The following FHAD1 variants were observed in gnomAD, a reference collection of about 807,000 sequenced individuals.
The protein encoded by FHAD1 is forkhead associated phosphopeptide binding domain 1.
FHAD1 carries 146 observed loss-of-function variants against 191.3 expected under a neutral mutation model. The observed-to-expected ratio is 0.76, with a 90% CI of 0.67 to 0.88. The LOEUF is 0.88. Ranked by LOEUF, FHAD1 falls within the 40% of genes least tolerant of loss-of-function variation. FHAD1 has a pLI of 0.00. For synonymous variants in FHAD1, 616 were observed against 672.3 expected (o/e 0.92, Z 1.29); for missense variants, 1,635 against 1,785.8 (o/e 0.92, Z 1.52).
intron 10 of FHAD1, among the ~76,000 whole-genome samples, chr1:15,319,286 TA>T (rs1675525288): frequency 6.6e-6 from 1 of 152,188 alleles, no homozygotes; most frequent in Non-Finnish European, 1.5e-5. Flanking sequence ...GTCAAATCAT[TA>T]AAACCTCGTG....
chr1:15,349,053 C>T lies in FHAD1; in HGVS notation c.2358C>T (p.Ser786=). The part of the protein sequence containing the change: ...RLARQKEVLE[S]SIAHEKRKAK... ...TCGTTGATTTTCAGGTTTTGGAGAGCAGCATAGCCCATGAAAAAAGAAAAG... is the reference window on the plus strand; with the variant it reads ...TCGTTGATTTTCAGGTTTTGGAGAGTAGCATAGCCCATGAAAAAAGAAAAG... Residue 786 remains serine, a synonymous_variant, in exon 19 of 34, where the codon AGC becomes AGT. Transcript: ENST00000688493. 1 of 1,551,010 alleles carries T rather than the reference C, an allele frequency of 6.4e-7. No homozygotes were observed. Among genetic ancestry groups the T allele is most frequent in the South Asian group, 1.2e-5 (1 of 83,986 alleles).
rs1320835376 is a variant in FHAD1 at position 15,281,662 on chromosome 1, G to A, written c.301-7737G>A. 2.0e-5 allele frequency among the ~76,000 whole-genome samples: 3 copies of A among 148,866 alleles called. No individual in the cohort carries two copies. The South Asian group carries it at 6.4e-4, about 32-fold the overall frequency. On this transcript the variant is annotated intron_variant, in intron 3 of 33. Coordinates refer to ENST00000688493, the MANE Select transcript of FHAD1 (RefSeq NM_001391957.1). ...TGTAATCCTAGCTCCTCGGGAGGCT[G>A]AGTCATAAAAATCGCTTGAACCCAG...
At chr1:15,389,733 T>A (rs896282006) in intron 32 of FHAD1, among the ~76,000 whole-genome samples, 1 of 152,094 alleles carries the variant, frequency 6.6e-6, no homozygotes, top group Non-Finnish European at 1.5e-5. Context: ...TCCCCGTGGG[T>A]CTGGGGAATG....
intron 10 of FHAD1, among the ~76,000 whole-genome samples, chr1:15,321,812 T>C (rs1676395147): frequency 6.6e-6 from 1 of 152,238 alleles, no homozygotes; most frequent in African/African-American, 2.4e-5. Flanking sequence ...TGTGCATGCA[T>C]GTGTGTGCAT....
Position 15,342,985 on chromosome 1 carries a change from G to A in FHAD1, c.2130+1097G>A, listed in dbSNP as rs537558516. On this transcript the variant is annotated intron_variant, in intron 16 of 33. Transcript: ENST00000688493. ...TAATATTTTTATTTTTTGTAGAAAT[G>A]AGGTCTCTCTCTATGTTGCCCAGGC... 2.6e-5 allele frequency among the ~76,000 whole-genome samples: 4 copies of A among 151,206 alleles called. No individual in the cohort carries two copies. In the South Asian group the frequency reaches 8.4e-4, roughly 32 times the overall value.
chr1:15,273,257 C>T (rs527276490), intron 3 of FHAD1, among the ~76,000 whole-genome samples: 102 of 152,166 alleles, frequency 6.7e-4, no homozygotes, highest in African/African-American at 2.3e-3. Flanking sequence ...CCTAAATGCC[C>T]ATCAAAAGGG....
intron 4 of FHAD1, among the ~76,000 whole-genome samples, chr1:15,294,857 G>A (rs952162932): frequency 1.3e-5 from 2 of 152,124 alleles, no homozygotes; most frequent in Non-Finnish European, 1.5e-5. Context: ...CCGTCTTGGT[G>A]GTGCTCGCCC....
At chr1:15,359,915 A>T (rs188225140) in intron 21 of FHAD1, among the ~76,000 whole-genome samples, 23 of 151,734 alleles carry the variant, frequency 1.5e-4, no homozygotes, top group Admixed American at 1.5e-3. Context: ...GCGCCACTGC[A>T]CTCCAGCCTG....
Position 15,316,130 on chromosome 1 carries a change from C to T in FHAD1, c.1171-248C>T, listed in dbSNP as rs1365520788. 1.3e-5 allele frequency among the ~76,000 whole-genome samples: 2 copies of T among 152,242 alleles called. No homozygotes were observed. The highest frequency in any genetic ancestry group is 2.9e-5 in the Non-Finnish European group (2 of 68,046). On this transcript the variant is annotated intron_variant, in intron 8 of 33. Transcript: ENST00000688493. This position sits in a 1 kb window ranked among gnomAD's most constrained non-coding sequence, Gnocchi z 4.3. ...TGGATTTTCCTTGTGGTTTAGATTG[C>T]TGGCTTTTGAAGATGAGAGTAGTGG...
At position 15,308,532 on chromosome 1, in the gene FHAD1, TC is replaced by T. The variant is rs1325863862; in HGVS notation, c.916-80del. On this transcript the variant is annotated intron_variant, in intron 6 of 33. Transcript: ENST00000688493. ...CCAGCCAAAACTCAATCTGAATCTT[TC>T]TGTCAAGCTTGTGAGAAGTACCTGT... is the stretch of plus-strand genomic sequence containing the variant. 4 of 1,510,076 alleles carry T rather than the reference TC, an allele frequency of 2.6e-6. No homozygotes were observed. The East Asian group carries it at 9.9e-5, about 37-fold the overall frequency. The allele number at this position is 1,510,076 out of a possible 1,614,324, so 93.5% of individuals were successfully genotyped here.
chr1:15,362,866 C>T (rs1695251754), intron 23 of FHAD1, 140 bp downstream of exon 23: 6 of 670,462 alleles, frequency 8.9e-6, no homozygotes, highest in Non-Finnish European at 1.6e-5. Context: ...CCCAGTGCTG[C>T]TTCCATTTCC....
chr1:15,401,038 C>T (rs1279245145), downstream of FHAD1, among the ~76,000 whole-genome samples: 1 of 152,208 alleles, frequency 6.6e-6, no homozygotes, highest in African/African-American at 2.4e-5. Flanking sequence ...CTTTCTGATT[C>T]CCAGTTCCCT....
intron 19 of FHAD1, among the ~76,000 whole-genome samples, chr1:15,352,542 C>T (rs914437113): frequency 1.5e-4 from 23 of 152,200 alleles, no homozygotes; most frequent in Admixed American, 6.5e-5. Flanking sequence ...AAGCCAGCAT[C>T]GGTGCCAGCA....
chr1:15,302,605 G>A (rs1159864592), intron 6 of FHAD1, among the ~76,000 whole-genome samples: 1 of 152,110 alleles, frequency 6.6e-6, no homozygotes, highest in South Asian at 2.1e-4. Context: ...GGCGCCTGTA[G>A]TCCCAGCTAC....
At chr1:15,258,923 A>T (rs954416807) in intron 2 of FHAD1, among the ~76,000 whole-genome samples, 2 of 152,016 alleles carry the variant, frequency 1.3e-5, no homozygotes, top group African/African-American at 4.8e-5. Flanking sequence ...TCAGATCCAT[A>T]CCCAGAAGAG....
chr1:15,254,120 T>C (rs1031408537), intron 2 of FHAD1, among the ~76,000 whole-genome samples: 1 of 152,112 alleles, frequency 6.6e-6, no homozygotes, highest in Non-Finnish European at 1.5e-5. Flanking sequence ...AGTGGAAAAA[T>C]CAAATAAAAA....
chr1:15,366,625 C>T (rs549581501), intron 24 of FHAD1, among the ~76,000 whole-genome samples: 1 of 152,212 alleles, frequency 6.6e-6, no homozygotes, highest in African/African-American at 2.4e-5. Context: ...AGCTTTGGGA[C>T]CTAGGGCAAG....
chr1:15,259,176 A>C (rs1040772606), intron 2 of FHAD1, among the ~76,000 whole-genome samples: 2 of 152,096 alleles, frequency 1.3e-5, no homozygotes, highest in African/African-American at 4.8e-5. Flanking sequence ...GTCTCAGCTC[A>C]AGGTTCTTTT....
At chr1:15,376,863 C>A (rs1699788544) in intron 28 of FHAD1, among the ~76,000 whole-genome samples, 1 of 152,072 alleles carries the variant, frequency 6.6e-6, no homozygotes, top group Non-Finnish European at 1.5e-5. Flanking sequence ...TAGCGAGACC[C>A]CATCTCTACA....
Sources: allele counts gnomAD v4.1 joint callset (sites outside exome capture counted in the v4.1 genomes callset), GRCh38; gene constraint gnomAD v4.1.1; non-coding constraint Gnocchi (gnomAD v3.1); transcripts MANE v1.5; gene names NCBI Gene and HGNC (gene_info 2026-07-23, HGNC 2026-07-21).